FLT3: variants seen among roughly 807,000 people sequenced by gnomAD.
FLT3 encodes receptor-type tyrosine-protein kinase FLT3.
A neutral mutation model predicts 126.6 loss-of-function variants in FLT3; 46 were observed. That is an observed-to-expected ratio of 0.36 (90% CI 0.29 to 0.46). FLT3 has a LOEUF of 0.46. Ranked by LOEUF, FLT3 falls within the 20% of genes least tolerant of loss-of-function variation. The probability of loss-of-function intolerance (pLI) is 1.00; values close to 1 mark genes in which losing one functional copy is unlikely to be tolerated. For missense variants in FLT3, 1,069 were observed against 1,190.3 expected, an observed-to-expected ratio of 0.90 and a Z score of 1.50; for synonymous variants, 404 against 434.4, an observed-to-expected ratio of 0.93 and a Z score of 0.87.
At chr13:28,062,671 G>A (rs750708456) in intron 2 of FLT3, among the ~76,000 whole-genome samples, 2 of 145,740 alleles carry the variant, frequency 1.4e-5, no homozygotes, top group Non-Finnish European at 3.0e-5. Flanking sequence ...TTGAACATGG[G>A]AGGCAGCGGT....
At chr13:28,005,407 T>A (rs1046432256) in intron 23 of FLT3, among the ~76,000 whole-genome samples, 1 of 152,240 alleles carries the variant, frequency 6.6e-6, no homozygotes, top group African/African-American at 2.4e-5. Flanking sequence ...CAATTTTGTG[T>A]CTGTGGGCTC....
chr13:28,024,825 C>T (rs1204458794), intron 18 of FLT3, 36 bp downstream of exon 18: 2 of 1,303,954 alleles, frequency 1.5e-6, no homozygotes, highest in South Asian at 1.3e-5. Flanking sequence ...CATTCATTTC[C>T]ATTTTAAAGT....
chr13:28,080,980 T>C (rs1185402436), intron 1 of FLT3, among the ~76,000 whole-genome samples: 1 of 152,210 alleles, frequency 6.6e-6, no homozygotes, highest in African/African-American at 2.4e-5. Context: ...CACTATACTG[T>C]TCCATTAATC....
intron 18 of FLT3, 93 bp downstream of exon 18, chr13:28,024,768 C>T (rs1402141879): frequency 1.1e-6 from 1 of 888,722 alleles, no homozygotes; most frequent in Non-Finnish European, 1.8e-6. Flanking sequence ...TTTTAAAATG[C>T]TTTTGTGTTT....
At chr13:28,080,498 C>T (rs1878246669) in intron 1 of FLT3, among the ~76,000 whole-genome samples, 1 of 152,174 alleles carries the variant, frequency 6.6e-6, no homozygotes, top group African/African-American at 2.4e-5. Context: ...AATAGATATC[C>T]AGAACTTACC....
intron 15 of FLT3, among the ~76,000 whole-genome samples, chr13:28,030,503 T>TGGATCTTAGA (rs1194248264): frequency 6.6e-6 from 1 of 152,174 alleles, no homozygotes. Context: ...CTTGTCTTCC[T>TGGATCTTAGA]GGATCTTAGA....
intron 1 of FLT3, among the ~76,000 whole-genome samples, chr13:28,084,621 G>A (rs945612571): frequency 2.0e-5 from 3 of 151,928 alleles, no homozygotes; most frequent in African/African-American, 7.3e-5. Context: ...ATCTTGCCCA[G>A]GCTGAAATTT....
intron 2 of FLT3, among the ~76,000 whole-genome samples, chr13:28,066,774 A>G (rs1490704866): frequency 6.6e-6 from 1 of 152,220 alleles, no homozygotes; most frequent in Non-Finnish European, 1.5e-5. Flanking sequence ...TTAGGCAAAC[A>G]CCACCATAAT....
chr13:28,066,744 T>C (rs1260959859), intron 2 of FLT3, among the ~76,000 whole-genome samples: 2 of 152,008 alleles, frequency 1.3e-5, no homozygotes, highest in East Asian at 1.9e-4. Context: ...AGAGGGAATG[T>C]AGGAAAAAGA....
At chr13:28,043,259 A>T (rs1406782017) in intron 9 of FLT3, among the ~76,000 whole-genome samples, 1 of 152,064 alleles carries the variant, frequency 6.6e-6, no homozygotes, top group East Asian at 1.9e-4. Context: ...GTCTGTAGAG[A>T]TAGGAAATTA....
chr13:28,005,206 G>A (rs1390559583), intron 23 of FLT3, among the ~76,000 whole-genome samples: 2 of 152,158 alleles, frequency 1.3e-5, no homozygotes, highest in African/African-American at 2.4e-5. Flanking sequence ...GCGCGCGCCT[G>A]CAGTCCCAGC....
chr13:28,015,729 G>C (rs757519348), intron 20 of FLT3, 28 bp from the exon 21 acceptor site: 1 of 1,403,334 alleles, frequency 7.1e-7, no homozygotes, highest in East Asian at 2.3e-5. Context: ...GAGATAAGAT[G>C]GTGAATTTTC....
intron 19 of FLT3, among the ~76,000 whole-genome samples, chr13:28,020,366 T>G (rs1328643035): frequency 6.6e-6 from 1 of 152,198 alleles, no homozygotes; most frequent in Non-Finnish European, 1.5e-5. Flanking sequence ...ATTTTTATTT[T>G]TTGAGAAAGT....
intron 17 of FLT3, chr13:28,025,509 C>G (rs140810662): frequency 3.2e-6 from 1 of 309,210 alleles, no homozygotes; most frequent in Non-Finnish European, 6.4e-6. Context: ...AAGTAGATCA[C>G]GATTCAATTT....
In FLT3 at chr13:28,090,212, ATT is replaced by A. The variant is rs1387461759; in HGVS notation, c.43+10254_43+10255del. Among the ~76,000 whole-genome samples, 153 of 148,696 alleles carry A rather than the reference ATT, an allele frequency of 1.0e-3. 1 individual carries two copies. The highest frequency in any genetic ancestry group is 3.6e-3 in the African/African-American group (146 of 40,180). On this transcript the variant is annotated intron_variant, in intron 1 of 23. Transcript: ENST00000241453. Reference sequence around the variant, plus strand: ...TGCATCACCATGCCCAATTTTTTGTATTTTTAGTAGAGACAGGGTTTCACCAT... The same window carrying A: ...TGCATCACCATGCCCAATTTTTTGTATTTAGTAGAGACAGGGTTTCACCAT...
rs1875451162 is a variant in FLT3, at chr13:28,051,415, T to G, written c.614+1130A>C. 2.0e-5 allele frequency among the ~76,000 whole-genome samples: 3 copies of G among 151,744 alleles called. No homozygotes were observed. The South Asian group carries it at 6.3e-4, about 32-fold the overall frequency. On this transcript the variant is annotated intron_variant, in intron 5 of 23. Coordinates refer to ENST00000241453, the MANE Select transcript of FLT3 (RefSeq NM_004119.3). ...CCACACCTGGCTAATTTTTGTATTTTTAGTAGAGACGGGGTTTGACCATGT... is the reference window on the plus strand; with the variant it reads ...CCACACCTGGCTAATTTTTGTATTTGTAGTAGAGACGGGGTTTGACCATGT...
intron 1 of FLT3, among the ~76,000 whole-genome samples, chr13:28,096,347 T>C (rs905710031): frequency 2.0e-5 from 3 of 151,978 alleles, no homozygotes; most frequent in African/African-American, 7.3e-5. Context: ...GGGCCAGGTC[T>C]TGTCTCAAAA....
At chr13:28,017,181 A>G (rs9319410) in intron 20 of FLT3, among the ~76,000 whole-genome samples, 26,204 of 152,174 alleles carry the variant, frequency 0.17, 2,452 homozygotes, top group Middle Eastern at 0.27. Context: ...GCACTAAGTC[A>G]GCATTTAATA....
Position 28,050,080 on chromosome 13 carries a change from ATAT to A in FLT3, c.742+12_742+14del. ...CGGTCACTGAAAATGAAAGTGCATG[ATAT>A]TATAGTGTTACCTATTGTGAACAGC... On this transcript the variant is annotated intron_variant, in intron 6 of 23. Coordinates refer to ENST00000241453, the MANE Select transcript of FLT3 (RefSeq NM_004119.3). 3.1e-6 allele frequency: 5 copies of A among 1,613,668 alleles called. No individual in the cohort carries two copies. Among genetic ancestry groups the A allele is most frequent in the Non-Finnish European group, 4.2e-6 (5 of 1,179,756 alleles).
Sources: gnomAD v4.1 joint callset for allele counts (sites outside exome capture counted in the v4.1 genomes callset) on GRCh38, gnomAD v4.1.1 for gene constraint, MANE v1.5 for transcripts, NCBI Gene and HGNC (gene_info 2026-07-23, HGNC 2026-07-21) for gene names.